PAX6: variants seen among roughly 807,000 people sequenced by gnomAD.
PAX6 encodes the protein paired box 6.
PAX6 carries 7 observed loss-of-function variants against 60.7 expected under a neutral mutation model. That is an observed-to-expected ratio of 0.12 (90% CI 0.07 to 0.22). The LOEUF (loss-of-function observed/expected upper bound fraction) is 0.22, where lower values mean the gene tolerates loss of function less well. PAX6 is among the 10% of genes least tolerant of loss of function. The probability of loss-of-function intolerance (pLI) is 1.00; values close to 1 mark genes in which losing one functional copy is unlikely to be tolerated. For synonymous variants in PAX6, 208 were observed against 201.2 expected (o/e 1.03, Z -0.29); for missense variants, 355 against 555.2 (o/e 0.64, Z 3.62).
chr11:31,808,290 C>T (rs973577131), intron 2 of PAX6: 4 of 152,186 alleles, frequency 2.6e-5, no homozygotes, highest in South Asian at 2.1e-4. Flanking sequence ...CAGCTTAAAT[C>T]CATAAAAATA....
At chr11:31,799,293 C>T (rs1329201841) in intron 8 of PAX6, among the ~76,000 whole-genome samples, 2 of 151,904 alleles carry the variant, frequency 1.3e-5, no homozygotes, top group African/African-American at 4.8e-5. Flanking sequence ...CCCGTGCGGG[C>T]GGGGTCGCCC....
intron 2 of PAX6, chr11:31,807,271 T>A (rs1956036798): frequency 6.6e-6 from 1 of 152,206 alleles, no homozygotes; most frequent in South Asian, 2.1e-4. Context: ...GTTGAAGGGG[T>A]GTGAGGGGAG....
At chr11:31,798,516 G>C (rs1362482115) in intron 8 of PAX6, among the ~76,000 whole-genome samples, 1 of 152,166 alleles carries the variant, frequency 6.6e-6, no homozygotes, top group Non-Finnish European at 1.5e-5. Context: ...GATTCCCCGG[G>C]AACGTGAAGC....
chr11:31,802,649 C>A, intron 5 of PAX6, 55 bp downstream of exon 5: 3 of 1,574,882 alleles, frequency 1.9e-6, no homozygotes, highest in Non-Finnish European at 2.6e-6. Context: ...GAAGAGAGGG[C>A]GTTGAGAGTG....
At chr11:31,808,124 C>T (rs1222094282) in intron 2 of PAX6, 1 of 152,042 alleles carries the variant, frequency 6.6e-6, no homozygotes, top group Non-Finnish European at 1.5e-5. Flanking sequence ...ACAAAACAGT[C>T]ACAGCATCAT....
rs910786331 is a variant in PAX6 at position 31,789,614 on chromosome 11, C to A, written c.*320G>T. ...AAACAACTTCATGACCAACACAGAT[C>A]AAACATCCATCCAGTCTACATTGTT... is the stretch of plus-strand genomic sequence containing the variant. On this transcript the variant is annotated 3_prime_UTR_variant, in exon 14 of 14. Transcript: ENST00000640368. The A allele has an allele frequency of 1.1e-5, 7 of 654,680 alleles. No homozygotes were observed. Among genetic ancestry groups the A allele is most frequent in the Admixed American group, 2.5e-5 (1 of 40,314 alleles). The allele number at this position is 654,680 out of a possible 1,614,324, so 40.6% of individuals were successfully genotyped here.
At chr11:31,791,064 A>G in intron 12 of PAX6, 1 of 687,536 alleles carries the variant, frequency 1.5e-6, no homozygotes, top group Non-Finnish European at 2.6e-6. Flanking sequence ...AAAGCTGCCT[A>G]TGTATCAAGC....
At chr11:31,796,580 A>G (rs924653363) in intron 8 of PAX6, among the ~76,000 whole-genome samples, 5 of 92,204 alleles carry the variant, frequency 5.4e-5, no homozygotes, top group Non-Finnish European at 9.9e-5. Context: ...GGGAGGCAGG[A>G]TGGAAACCAG....
intron 1 of PAX6, chr11:31,816,501 A>G (rs1471203292): frequency 1.4e-6 from 1 of 701,748 alleles, no homozygotes; most frequent in East Asian, 2.7e-5. Context: ...AAACATCTCT[A>G]ATGAGGGAGG....
rs1304237286 is a variant in PAX6, at chr11:31,800,800, G to A, written c.456C>T (p.Gly152=). The change falls in exon 8 of 14, where the codon GGC becomes GGT. Residue 152 remains glycine, a synonymous_variant. Coordinates refer to ENST00000640368, the MANE Select transcript of PAX6 (RefSeq NM_001368894.2). The part of the protein sequence containing the change: ...RNLASEKQQM[G]ADGMYDKLRM... The stretch of plus-strand genomic sequence containing the variant: ...TTAGTTTATCATACATGCCGTCTGC[G>A]CCCATCTGTTGCTTTTCGCTAGCCA... The A allele has an allele frequency of 1.4e-5, 22 of 1,614,112 alleles. No homozygotes were observed. The highest frequency in any genetic ancestry group is 5.0e-5 in the Admixed American group (3 of 60,024).
intron 8 of PAX6, among the ~76,000 whole-genome samples, chr11:31,797,343 T>G (rs1177606437): frequency 6.6e-6 from 1 of 152,130 alleles, no homozygotes; most frequent in Non-Finnish European, 1.5e-5. Flanking sequence ...TTCTTAATTT[T>G]AAAACATGGA....
chr11:31,816,849 C>T (rs1957405705), intron 1 of PAX6, among the ~76,000 whole-genome samples: 1 of 152,242 alleles, frequency 6.6e-6, no homozygotes, highest in African/African-American at 2.4e-5. Flanking sequence ...GCCCAGAGGC[C>T]GCCCCAAACT....
chr11:31,817,881 G>T (rs910136658), exon 1 of PAX6: 10 of 152,680 alleles, frequency 6.5e-5, no homozygotes, highest in South Asian at 6.2e-4. Context: ...CCGCTCGGCA[G>T]GGGAAGTGGC....
chr11:31,797,409 A>G (rs1951926264), intron 8 of PAX6, among the ~76,000 whole-genome samples: 1 of 151,704 alleles, frequency 6.6e-6, no homozygotes, highest in Non-Finnish European at 1.5e-5. Flanking sequence ...GGGTTTACAC[A>G]GGCAGCACGC....
chr11:31,793,629 G>A (rs573750920), intron 11 of PAX6, 23 bp downstream of exon 11: 474 of 1,613,860 alleles, frequency 2.9e-4, no homozygotes, highest in Non-Finnish European at 3.8e-4. Flanking sequence ...ACATTGATTC[G>A]TAGTATTAGT....
chr11:31,802,011 T>C lies in PAX6; in HGVS notation c.142-99A>G, dbSNP rs1278743663. On this transcript the variant is annotated intron_variant, in intron 5 of 13. Coordinates refer to ENST00000640368, the MANE Select transcript of PAX6 (RefSeq NM_001368894.2). Reference sequence around the variant, plus strand: ...GTAGCCCTAAAAACTACAAATATGATGATACTTTCAAACAATTTGAACTAA... The same window carrying C: ...GTAGCCCTAAAAACTACAAATATGACGATACTTTCAAACAATTTGAACTAA... The C allele has an allele frequency of 6.2e-6, 6 of 971,150 alleles. No homozygotes were observed. In the Admixed American group the frequency reaches 1.1e-4, roughly 18 times the overall value. 60.2% of individuals were successfully genotyped at this position (971,150 alleles called of 1,614,324 possible).
Position 31,790,667 on chromosome 11 carries a change from A to C in PAX6, c.1225+43T>G, listed in dbSNP as rs3026393. The C allele has an allele frequency of 0.5, 806,386 of 1,612,374 alleles. 204,943 individuals carry two copies. The highest frequency in any genetic ancestry group is 0.6 in the South Asian group (54,342 of 91,034). On this transcript the variant is annotated intron_variant, in intron 13 of 13. Coordinates refer to ENST00000640368, the MANE Select transcript of PAX6 (RefSeq NM_001368894.2). Reference sequence around the variant, plus strand: ...TTCTGTTTGGGTAAACTTCTAGTGAAGAGAGATCGCCTCTGTGCAGCCTGC... The same window carrying C: ...TTCTGTTTGGGTAAACTTCTAGTGACGAGAGATCGCCTCTGTGCAGCCTGC...
chr11:31,790,687 G>A (rs1380604510), intron 13 of PAX6, 23 bp downstream of exon 13: 1 of 1,613,834 alleles, frequency 6.2e-7, no homozygotes, highest in Non-Finnish European at 8.5e-7. Flanking sequence ...CCTCTGTGCA[G>A]CCTGCAGAAA....
Position 31,790,120 on chromosome 11 carries a change from A to AAC in PAX6, c.1226-102_1226-101insGT, listed in dbSNP as rs1565184003. 267 of 760,092 alleles carry AAC rather than the reference A, an allele frequency of 3.5e-4. 2 individuals are homozygous for AAC. Among genetic ancestry groups the AAC allele is most frequent in the South Asian group, 3.7e-4 (22 of 59,384 alleles). The allele number at this position is 760,092 out of a possible 1,614,324, so 47.1% of individuals were successfully genotyped here. A position where few individuals can be genotyped will look rare whatever the true frequency, so the allele number is the denominator to read the frequency against. ...TACAAAAAAAAAAAAAAAAAAAAAA[A>AAC]CTAATACTTTCTAACATTTTTTACT... is the stretch of plus-strand genomic sequence containing the variant. On this transcript the variant is annotated intron_variant, in intron 13 of 13. Coordinates refer to ENST00000640368, the MANE Select transcript of PAX6 (RefSeq NM_001368894.2).
Sources: gnomAD v4.1 joint callset for allele counts (sites outside exome capture counted in the v4.1 genomes callset) on GRCh38, gnomAD v4.1.1 for gene constraint, MANE v1.5 for transcripts, NCBI Gene and HGNC (gene_info 2026-07-23, HGNC 2026-07-21) for gene names.